TNFSF4: variants seen among roughly 807,000 people sequenced by gnomAD.
TNFSF4 encodes TNF superfamily member 4, also known as tumor necrosis factor ligand superfamily member 4.
In TNFSF4, 4 loss-of-function variants were observed where a neutral mutation model predicts 7.3. That is an observed-to-expected ratio of 0.55 (90% CI 0.27 to 1.25). The LOEUF is 1.25. TNFSF4 is among the 50% of genes most tolerant of loss of function. TNFSF4 has a pLI of 0.12. For synonymous variants in TNFSF4, 76 were observed against 83.7 expected, an observed-to-expected ratio of 0.91 and a Z score of 0.50; for missense variants, 181 against 208.8, an observed-to-expected ratio of 0.87 and a Z score of 0.82.
the TNFSF4 span, among the ~76,000 whole-genome samples, chr1:173,284,294 ACT>A: frequency 2.0e-5 from 3 of 151,872 alleles, no homozygotes; most frequent in African/African-American, 7.3e-5. Flanking sequence ...ACTCTGAAGG[ACT>A]CTCCCACTGT....
At chr1:173,231,484 A>G in the TNFSF4 span, among the ~76,000 whole-genome samples, 9 of 152,234 alleles carry the variant, frequency 5.9e-5, no homozygotes, top group Admixed American at 1.3e-4. Context: ...CCCACAGTCA[A>G]TATCATACTG....
At chr1:173,401,961 G>C in the TNFSF4 span, among the ~76,000 whole-genome samples, 1 of 152,170 alleles carries the variant, frequency 6.6e-6, no homozygotes, top group Non-Finnish European at 1.5e-5. Context: ...CCAGTGTAAA[G>C]TTTGTGCCAG....
At chr1:173,417,601 A>T in the TNFSF4 span, among the ~76,000 whole-genome samples, 1 of 152,246 alleles carries the variant, frequency 6.6e-6, no homozygotes, top group Non-Finnish European at 1.5e-5. Context: ...AGTCCCATAG[A>T]GGGTGAGTAC....
At chr1:173,419,156 G>A in the TNFSF4 span, among the ~76,000 whole-genome samples, 251 of 152,146 alleles carry the variant, frequency 1.6e-3, no homozygotes, top group African/African-American at 4.9e-3. Flanking sequence ...TGGCTAACAC[G>A]GTGAAACCCC....
At chr1:173,324,857 C>T in the TNFSF4 span, among the ~76,000 whole-genome samples, 4 of 152,216 alleles carry the variant, frequency 2.6e-5, no homozygotes, top group Non-Finnish European at 5.9e-5. Flanking sequence ...CACCCAGATT[C>T]ATAAAGCAAG....
At chr1:173,330,200 C>T in the TNFSF4 span, among the ~76,000 whole-genome samples, 2 of 152,074 alleles carry the variant, frequency 1.3e-5, no homozygotes, top group African/African-American at 4.8e-5. Context: ...ATTCAACATA[C>T]TCAAAAATAA....
chr1:173,450,318 G>C, the TNFSF4 span, among the ~76,000 whole-genome samples: 1 of 151,984 alleles, frequency 6.6e-6, no homozygotes, highest in African/African-American at 2.4e-5. Context: ...GAATTCTCTA[G>C]GCCCCAGTGG....
chr1:173,238,120 T>A, the TNFSF4 span, among the ~76,000 whole-genome samples: 1 of 152,176 alleles, frequency 6.6e-6, no homozygotes, highest in East Asian at 1.9e-4. Context: ...TACAACCATC[T>A]GATCTTTGAC....
At chr1:173,415,643 G>A in the TNFSF4 span, among the ~76,000 whole-genome samples, 6 of 152,350 alleles carry the variant, frequency 3.9e-5, no homozygotes, top group African/African-American at 7.2e-5. Context: ...TCAGCTCTGC[G>A]ACGTTAGGCA....
intron 2 of TNFSF4, among the ~76,000 whole-genome samples, chr1:173,187,707 G>T (rs1224899920): frequency 6.6e-6 from 1 of 152,172 alleles, no homozygotes; most frequent in Non-Finnish European, 1.5e-5. Flanking sequence ...TGGAGTAGGA[G>T]GCAGTGATAG....
chr1:173,391,239 T>C, the TNFSF4 span, among the ~76,000 whole-genome samples: 5 of 151,196 alleles, frequency 3.3e-5, no homozygotes, highest in South Asian at 4.2e-4. Context: ...CCCCACTTTA[T>C]GGTCCCCTCC....
At chr1:173,196,987 T>C (rs1649731776) in intron 1 of TNFSF4, among the ~76,000 whole-genome samples, 1 of 152,188 alleles carries the variant, frequency 6.6e-6, no homozygotes, top group African/African-American at 2.4e-5. Flanking sequence ...GTCTCAAACA[T>C]AATGGCACTT....
At chr1:173,267,371 G>A in the TNFSF4 span, among the ~76,000 whole-genome samples, 1 of 152,130 alleles carries the variant, frequency 6.6e-6, no homozygotes, top group Non-Finnish European at 1.5e-5. Context: ...AAAGGCCATT[G>A]TGCACTTTTC....
At chr1:173,252,005 C>T in the TNFSF4 span, among the ~76,000 whole-genome samples, 1 of 151,850 alleles carries the variant, frequency 6.6e-6, no homozygotes, top group Admixed American at 6.6e-5. Context: ...TATTGTGTGG[C>T]TTGAATTTTA....
At chr1:173,227,717 A>G in the TNFSF4 span, among the ~76,000 whole-genome samples, 1 of 152,210 alleles carries the variant, frequency 6.6e-6, no homozygotes, top group African/African-American at 2.4e-5. Context: ...TGGCACCTGG[A>G]AAATCGGGTC....
intron 1 of TNFSF4, among the ~76,000 whole-genome samples, chr1:173,196,993 C>T (rs1649732012): frequency 6.6e-6 from 1 of 152,200 alleles, no homozygotes. Context: ...AACATAATGG[C>T]ACTTAGTAAA....
the TNFSF4 span, among the ~76,000 whole-genome samples, chr1:173,242,387 G>C: frequency 6.6e-6 from 1 of 152,108 alleles, no homozygotes; most frequent in Admixed American, 6.5e-5. Context: ...GAAAATAACA[G>C]GATATTGCTT....
At chr1:173,367,279 G>A in the TNFSF4 span, among the ~76,000 whole-genome samples, 1 of 152,118 alleles carries the variant, frequency 6.6e-6, no homozygotes, top group Non-Finnish European at 1.5e-5. Flanking sequence ...ATCAACATTT[G>A]TATATTTTAC....
At chr1:173,211,141 A>T (rs927343454), upstream of TNFSF4, among the ~76,000 whole-genome samples, 1 of 152,236 alleles carries the variant, frequency 6.6e-6, no homozygotes, top group African/African-American at 2.4e-5. Flanking sequence ...GTGGCTCTTC[A>T]TTCACCAGAC....
Sources: gnomAD v4.1 joint callset for allele counts (sites outside exome capture counted in the v4.1 genomes callset) on GRCh38, gnomAD v4.1.1 for gene constraint, MANE v1.5 for transcripts, NCBI Gene and HGNC (gene_info 2026-07-23, HGNC 2026-07-21) for gene names.